The following AFG2A variants were observed in gnomAD, a reference collection of about 807,000 sequenced individuals.
AFG2A encodes the protein ATPase family gene 2 protein homolog A.
chr4:123,085,235 A>G, the AFG2A span, among the ~76,000 whole-genome samples: 1 of 152,128 alleles, frequency 6.6e-6, no homozygotes, highest in Admixed American at 6.5e-5. Context: ...TTGAATTGTG[A>G]TTTAGTTCAA....
chr4:123,310,104 T>C, the AFG2A span, among the ~76,000 whole-genome samples: 1 of 152,218 alleles, frequency 6.6e-6, no homozygotes, highest in African/African-American at 2.4e-5. Context: ...AAAGAACCAA[T>C]AATCCAGTCA....
chr4:122,934,051 T>TA, the AFG2A span: 112 of 1,499,642 alleles, frequency 7.5e-5, no homozygotes, highest in South Asian at 5.4e-4. Context: ...ATTAAACTGG[T>TA]AAAAAAAATT....
the AFG2A span, among the ~76,000 whole-genome samples, chr4:123,143,989 C>G: frequency 3.9e-5 from 6 of 151,904 alleles, no homozygotes; most frequent in Non-Finnish European, 8.8e-5. Flanking sequence ...ATAATGTTTT[C>G]ATCTTTGTAT....
the AFG2A span, among the ~76,000 whole-genome samples, chr4:123,274,195 A>G: frequency 6.6e-6 from 1 of 152,068 alleles, no homozygotes; most frequent in African/African-American, 2.4e-5. Context: ...TTCATTTTCT[A>G]TACATAATGG....
the AFG2A span, among the ~76,000 whole-genome samples, chr4:123,056,894 A>G: frequency 2.0e-5 from 3 of 151,550 alleles, no homozygotes; most frequent in African/African-American, 7.4e-5. Flanking sequence ...AGTGAAGTTA[A>G]CTGCTGAAAG....
At chr4:123,200,291 A>G in the AFG2A span, among the ~76,000 whole-genome samples, 3 of 152,250 alleles carry the variant, frequency 2.0e-5, no homozygotes. Flanking sequence ...TTCTATGTTA[A>G]TACATTTTCT....
At chr4:123,131,901 A>C in the AFG2A span, among the ~76,000 whole-genome samples, 1 of 152,068 alleles carries the variant, frequency 6.6e-6, no homozygotes, top group Non-Finnish European at 1.5e-5. Flanking sequence ...CTGCCATACT[A>C]TTTTCCACAG....
At chr4:123,042,867 A>C in the AFG2A span, among the ~76,000 whole-genome samples, 1 of 152,226 alleles carries the variant, frequency 6.6e-6, no homozygotes, top group Non-Finnish European at 1.5e-5. Flanking sequence ...CTAAATACAC[A>C]ATAAACTTTA....
chr4:123,240,340 C>T, the AFG2A span, among the ~76,000 whole-genome samples: 1 of 152,178 alleles, frequency 6.6e-6, no homozygotes, highest in Non-Finnish European at 1.5e-5. Flanking sequence ...CTTCTCAGCA[C>T]CACGTCGCAA....
chr4:123,075,869 A>C, the AFG2A span, among the ~76,000 whole-genome samples: 1 of 151,858 alleles, frequency 6.6e-6, no homozygotes, highest in African/African-American at 2.4e-5. Flanking sequence ...AGGCAGGAGA[A>C]TCACTTGAAC....
At chr4:123,304,494 A>G in the AFG2A span, among the ~76,000 whole-genome samples, 10 of 152,184 alleles carry the variant, frequency 6.6e-5, no homozygotes, top group African/African-American at 2.2e-4. Flanking sequence ...AGCAGAGGCA[A>G]CACAATGTCA....
the AFG2A span, among the ~76,000 whole-genome samples, chr4:123,020,723 C>T: frequency 6.6e-6 from 1 of 152,020 alleles, no homozygotes; most frequent in Non-Finnish European, 1.5e-5. Context: ...ATATGATTGT[C>T]CATTCTTTAA....
At chr4:123,054,564 A>G in the AFG2A span, among the ~76,000 whole-genome samples, 1 of 152,026 alleles carries the variant, frequency 6.6e-6, no homozygotes, top group African/African-American at 2.4e-5. Flanking sequence ...TAAAAGTACA[A>G]AAAATTAGCC....
the AFG2A span, among the ~76,000 whole-genome samples, chr4:123,221,998 C>G: frequency 1.3e-5 from 2 of 151,962 alleles, no homozygotes. Context: ...ATCTAAAGTG[C>G]TATGTTTTTC....
At chr4:123,209,307 T>C in the AFG2A span, among the ~76,000 whole-genome samples, 1 of 152,148 alleles carries the variant, frequency 6.6e-6, no homozygotes, top group Middle Eastern at 3.4e-3. Flanking sequence ...ACCTATCAGG[T>C]GTATGTTGCA....
At chr4:123,001,957 C>T in the AFG2A span, among the ~76,000 whole-genome samples, 1 of 152,192 alleles carries the variant, frequency 6.6e-6, no homozygotes, top group Admixed American at 6.5e-5. Flanking sequence ...TTGTAGGTCA[C>T]TCAGGACTTG....
chr4:123,035,528 C>T, the AFG2A span, among the ~76,000 whole-genome samples: 1 of 151,910 alleles, frequency 6.6e-6, no homozygotes, highest in Admixed American at 6.6e-5. Flanking sequence ...TAATAGTAAC[C>T]TGTTATTCTT....
the AFG2A span, among the ~76,000 whole-genome samples, chr4:123,141,570 T>C: frequency 6.6e-6 from 1 of 152,220 alleles, no homozygotes; most frequent in Admixed American, 6.5e-5. Context: ...ATTCTGAGCA[T>C]GTTTAAGTTA....
At chr4:123,016,482 C>T in the AFG2A span, among the ~76,000 whole-genome samples, 58 of 145,736 alleles carry the variant, frequency 4.0e-4, no homozygotes, top group Admixed American at 9.6e-4. Flanking sequence ...ACATCCCAGA[C>T]GGGGTGGCGG....
Sources: gnomAD v4.1 joint callset for allele counts (sites outside exome capture counted in the v4.1 genomes callset) on GRCh38, gnomAD v4.1.1 for gene constraint, MANE v1.5 for transcripts, NCBI Gene and HGNC (gene_info 2026-07-23, HGNC 2026-07-21) for gene names.